Variants in PTPRT observed in about 807,000 individuals in gnomAD.
The protein encoded by PTPRT is receptor-type tyrosine-protein phosphatase T.
In PTPRT, 56 loss-of-function variants were observed where a neutral mutation model predicts 176.8. The ratio of observed to expected loss-of-function variants is 0.32; its 90% CI spans 0.26 to 0.40. The LOEUF is 0.40. Ranked by LOEUF, PTPRT falls within the 10% of genes least tolerant of loss-of-function variation. The pLI, the probability that PTPRT is intolerant of heterozygous loss-of-function variation, is 1.00. For synonymous variants in PTPRT, 783 were observed against 739.0 expected (o/e 1.06, Z -0.96); for missense variants, 1,540 against 1,908.2 (o/e 0.81, Z 3.60).
chr20:42,080,581 T>TG lies in PTPRT; in HGVS notation c.*297dup. On this transcript the variant is annotated 3_prime_UTR_variant, in exon 31 of 31. Transcript: ENST00000373187. ...TCCACAAACTCAGAACAAAAGCAGG[T>TG]GGTCTGGGAGCCAGAAATCCAAGGC... 6.1e-6 allele frequency: 2 copies of TG among 330,448 alleles called. No homozygotes were observed. Among genetic ancestry groups the TG allele is most frequent in the Non-Finnish European group, 1.1e-5 (2 of 177,534 alleles). The allele number at this position is 330,448 out of a possible 1,614,324, so 20.5% of individuals were successfully genotyped here. A position where few individuals can be genotyped will look rare whatever the true frequency, so the allele number is the denominator to read the frequency against.
At chr20:42,130,300 A>G (rs1226400482) in intron 18 of PTPRT, among the ~76,000 whole-genome samples, 1 of 152,128 alleles carries the variant, frequency 6.6e-6, no homozygotes, top group Non-Finnish European at 1.5e-5. Context: ...GGCTGAAGGG[A>G]TGGAGGGAGG....
intron 2 of PTPRT, among the ~76,000 whole-genome samples, chr20:42,832,050 T>C (rs531076512): frequency 2.0e-5 from 3 of 152,178 alleles, no homozygotes; most frequent in Non-Finnish European, 4.4e-5. Flanking sequence ...GGAATATAAA[T>C]CATTCTACCA....
At chr20:42,979,175 T>C (rs2146082171) in intron 1 of PTPRT, among the ~76,000 whole-genome samples, 1 of 152,276 alleles carries the variant, frequency 6.6e-6, no homozygotes, top group Admixed American at 6.5e-5. Context: ...TTTTTCAGAT[T>C]TTTATTGACT....
intron 1 of PTPRT, among the ~76,000 whole-genome samples, chr20:43,157,486 C>A (rs2014557316): frequency 6.6e-6 from 1 of 152,174 alleles, no homozygotes; most frequent in South Asian, 2.1e-4. Flanking sequence ...CCTTAACTGA[C>A]TCCCTCTGCA....
At chr20:42,535,889 G>T (rs2072468251) in intron 7 of PTPRT, among the ~76,000 whole-genome samples, 1 of 152,160 alleles carries the variant, frequency 6.6e-6, no homozygotes, top group African/African-American at 2.4e-5. Flanking sequence ...GCAACACAAA[G>T]ATTGCAGGTA....
chr20:42,186,308 T>C (rs1276790215), intron 16 of PTPRT, among the ~76,000 whole-genome samples: 1 of 151,986 alleles, frequency 6.6e-6, no homozygotes, highest in Non-Finnish European at 1.5e-5. Context: ...TGTGTTCTAA[T>C]AAAGCTTTAT....
chr20:42,407,616 T>G (rs774315073), intron 9 of PTPRT, among the ~76,000 whole-genome samples: 1 of 152,300 alleles, frequency 6.6e-6, no homozygotes, highest in Non-Finnish European at 1.5e-5. Context: ...AAGACAGGTA[T>G]GCTTACCATC....
chr20:42,696,436 C>A (rs982543552), intron 6 of PTPRT, among the ~76,000 whole-genome samples: 1 of 150,450 alleles, frequency 6.6e-6, no homozygotes, highest in Non-Finnish European at 1.5e-5. Context: ...GGTTCTAAAG[C>A]CTTCCAATAG....
chr20:43,031,392 CTT>C (rs1366468246), intron 1 of PTPRT, among the ~76,000 whole-genome samples: 1 of 152,206 alleles, frequency 6.6e-6, no homozygotes, highest in East Asian at 1.9e-4. Flanking sequence ...AAGGCAACAT[CTT>C]TGAGGCAGAG....
At chr20:42,597,903 C>T (rs181504989) in intron 7 of PTPRT, among the ~76,000 whole-genome samples, 1 of 152,252 alleles carries the variant, frequency 6.6e-6, no homozygotes, top group Non-Finnish European at 1.5e-5. Flanking sequence ...CTGCCAACAG[C>T]ATATATAGAC....
chr20:42,127,993 A>G (rs968957468), intron 19 of PTPRT, among the ~76,000 whole-genome samples: 32 of 152,220 alleles, frequency 2.1e-4, no homozygotes, highest in African/African-American at 7.0e-4. Flanking sequence ...TCTATGGGAT[A>G]AAGTCCCACT....
At chr20:43,161,085 T>C (rs1301091533) in intron 1 of PTPRT, among the ~76,000 whole-genome samples, 2 of 152,210 alleles carry the variant, frequency 1.3e-5, no homozygotes, top group Non-Finnish European at 2.9e-5. Flanking sequence ...TACATTATAC[T>C]AATGGAAGGA....
intron 1 of PTPRT, among the ~76,000 whole-genome samples, chr20:43,151,816 T>C (rs562686426): frequency 2.8e-4 from 43 of 152,008 alleles, no homozygotes; most frequent in African/African-American, 9.9e-4. Flanking sequence ...TGAGCCAAGA[T>C]TGTGCCATTG....
chr20:42,353,186 A>C (rs1034894503), intron 9 of PTPRT, among the ~76,000 whole-genome samples: 2 of 152,230 alleles, frequency 1.3e-5, no homozygotes, highest in Non-Finnish European at 2.9e-5. Context: ...CTGCAGTCAT[A>C]GAACAGTGTC....
intron 2 of PTPRT, among the ~76,000 whole-genome samples, chr20:42,813,627 T>C (rs1463311463): frequency 6.6e-6 from 1 of 152,204 alleles, no homozygotes; most frequent in East Asian, 1.9e-4. Context: ...CTGACTTTCT[T>C]CCTACCATAT....
intron 12 of PTPRT, among the ~76,000 whole-genome samples, chr20:42,299,771 C>G (rs1227150126): frequency 6.6e-6 from 1 of 151,358 alleles, no homozygotes; most frequent in Non-Finnish European, 1.5e-5. Flanking sequence ...CCTCAGCCTC[C>G]CGAGTAGCTG....
chr20:43,091,493 TTCTC>T (rs150186688), intron 1 of PTPRT, among the ~76,000 whole-genome samples: 27 of 123,492 alleles, frequency 2.2e-4, no homozygotes, highest in African/African-American at 6.6e-4. Context: ...CTCTCTCTAT[TTCTC>T]TCTCTCTCTC....
chr20:42,101,317 CTT>C (rs930720760), intron 26 of PTPRT, among the ~76,000 whole-genome samples: 7 of 152,208 alleles, frequency 4.6e-5, no homozygotes, highest in African/African-American at 1.7e-4. Flanking sequence ...GAGCAAGTCT[CTT>C]TCTCTGTCTG....
At chr20:43,141,705 C>T (rs2014012540) in intron 1 of PTPRT, among the ~76,000 whole-genome samples, 1 of 152,204 alleles carries the variant, frequency 6.6e-6, no homozygotes, top group African/African-American at 2.4e-5. Flanking sequence ...TTACATTTAT[C>T]ACATCAACAG....
Sources: allele counts gnomAD v4.1 joint callset (sites outside exome capture counted in the v4.1 genomes callset), GRCh38; gene constraint gnomAD v4.1.1; transcripts MANE v1.5; gene names NCBI Gene and HGNC (gene_info 2026-07-23, HGNC 2026-07-21).